Variants in RIC1 observed in about 807,000 individuals in gnomAD.
RIC1 encodes guanine nucleotide exchange factor subunit RIC1.
In RIC1, 88 loss-of-function variants were observed where a neutral mutation model predicts 169.0. The ratio of observed to expected loss-of-function variants is 0.52; its 90% CI spans 0.44 to 0.62. The LOEUF is 0.62. Ranked by LOEUF, RIC1 falls within the 20% of genes least tolerant of loss-of-function variation. The pLI is 0.00. For synonymous variants in RIC1, 790 were observed against 601.5 expected (o/e 1.31, Z -4.59); for missense variants, 1,877 against 1,725.5 (o/e 1.09, Z -1.56).
At chr9:5,746,256 A>G (rs1443893126) in intron 11 of RIC1, among the ~76,000 whole-genome samples, 173 bp downstream of exon 11, 2 of 151,954 alleles carry the variant, frequency 1.3e-5, no homozygotes, top group African/African-American at 4.8e-5. Context: ...TTTATTTCTC[A>G]ACGGGTTGTG....
chr9:5,765,616 C>T (rs750814760), intron 20 of RIC1, 44 bp downstream of exon 20: 40 of 1,613,856 alleles, frequency 2.5e-5, no homozygotes, highest in African/African-American at 4.0e-5. Context: ...CATACACCCA[C>T]GTAGCATCTT....
intron 2 of RIC1, among the ~76,000 whole-genome samples, chr9:5,675,877 T>C (rs965814990): frequency 1.3e-5 from 2 of 152,206 alleles, no homozygotes; most frequent in Non-Finnish European, 2.9e-5. Context: ...TACAGCACAT[T>C]TGCAGTCAGT....
chr9:5,684,589 C>G (rs1821093761), intron 2 of RIC1, among the ~76,000 whole-genome samples: 1 of 151,680 alleles, frequency 6.6e-6, no homozygotes, highest in South Asian at 2.1e-4. Context: ...CTATATTTGT[C>G]TTGTGTCCAG....
chr9:5,715,781 T>C (rs1823197163), intron 4 of RIC1, among the ~76,000 whole-genome samples: 1 of 151,008 alleles, frequency 6.6e-6, no homozygotes, highest in African/African-American at 2.4e-5. Context: ...TTAATGAGAG[T>C]TTCCCCTCCC....
chr9:5,667,872 G>T (rs1473785621), intron 2 of RIC1, among the ~76,000 whole-genome samples: 1 of 152,078 alleles, frequency 6.6e-6, no homozygotes, highest in Non-Finnish European at 1.5e-5. Context: ...CTCCAAAGTT[G>T]CTTCCACATT....
At chr9:5,697,219 C>T (rs931963744) in intron 3 of RIC1, among the ~76,000 whole-genome samples, 3 of 152,306 alleles carry the variant, frequency 2.0e-5, no homozygotes, top group Non-Finnish European at 4.4e-5. Flanking sequence ...GAACTTTAAT[C>T]TTTTTCTCCT....
In RIC1 at chr9:5,774,113, C is replaced by A; in HGVS notation, c.4139C>A (p.Ser1380Tyr). Reference sequence around the variant, plus strand: ...CCCCGGGCAGAGGAGAGCAGGGGCTCCTCCAGCCATGGAAGCATCCCCCAG... The same window carrying A: ...CCCCGGGCAGAGGAGAGCAGGGGCTACTCCAGCCATGGAAGCATCCCCCAG... ...TSPRAEESRGSSSHGSIPQGE... is the reference protein window; with the variant it reads ...TSPRAEESRGYSSHGSIPQGE... Residue 1380 changes from serine to tyrosine, a missense_variant, in exon 26 of 26, where the codon TCC (serine) becomes TAC (tyrosine). By Grantham distance (144) the Ser-to-Tyr change is moderately radical. Transcript: ENST00000414202. The A allele has an allele frequency of 6.2e-7, 1 of 1,614,020 alleles. No individual in the cohort carries two copies. The highest frequency in any genetic ancestry group is 8.5e-7 in the Non-Finnish European group (1 of 1,179,976).
chr9:5,644,229 TCCCATTCCAGCCTTAGAA>T (rs1383052380), intron 1 of RIC1, among the ~76,000 whole-genome samples: 1 of 152,214 alleles, frequency 6.6e-6, no homozygotes, highest in Non-Finnish European at 1.5e-5. Flanking sequence ...CAACCTCTTC[TCCCATTCCAGCCTTAGAA>T]AACCTTGGCC....
At chr9:5,673,304 A>G (rs750133502) in intron 2 of RIC1, among the ~76,000 whole-genome samples, 46 of 152,118 alleles carry the variant, frequency 3.0e-4, no homozygotes, top group Middle Eastern at 3.4e-3. Flanking sequence ...AAAGATAAGC[A>G]TCACTAGCAA....
chr9:5,747,485 C>T lies in RIC1; in HGVS notation c.1432C>T (p.Arg478Trp), dbSNP rs201362251. Residue 478 changes from arginine to tryptophan, a missense_variant, in exon 12 of 26, where the codon CGG becomes TGG. Arg to Trp is a moderately radical substitution (Grantham distance 101). Coordinates refer to ENST00000414202, the MANE Select transcript of RIC1 (RefSeq NM_020829.4). ...GGGATTAAGCACTTTACTTGGACAT[C>T]GGCATTGGCATGTTGTACAGGTAAA... ...SQGLSTLLGHRHWHVVQISST... is the reference protein window; with the variant it reads ...SQGLSTLLGHWHWHVVQISST... The T allele has an allele frequency of 8.1e-6, 13 of 1,613,796 alleles. No individual in the cohort carries two copies. Among genetic ancestry groups the T allele is most frequent in the Non-Finnish European group, 1.0e-5 (12 of 1,179,716 alleles).
At chr9:5,707,170 A>G (rs567439628) in intron 3 of RIC1, among the ~76,000 whole-genome samples, 85 of 152,080 alleles carry the variant, frequency 5.6e-4, no homozygotes, top group African/African-American at 2.0e-3. Flanking sequence ...GTGTATTTTG[A>G]ATTTCCACAT....
intron 1 of RIC1, among the ~76,000 whole-genome samples, chr9:5,652,209 G>C (rs892908054): frequency 7.9e-5 from 12 of 152,278 alleles, no homozygotes; most frequent in African/African-American, 2.9e-4. Context: ...CTGTGGTTCA[G>C]TATGAATTTT....
At chr9:5,683,507 G>T (rs1008565743) in intron 2 of RIC1, among the ~76,000 whole-genome samples, 5 of 152,224 alleles carry the variant, frequency 3.3e-5, no homozygotes, top group African/African-American at 1.2e-4. Flanking sequence ...TGCTCTGGAA[G>T]TTTTGTCTCA....
intron 1 of RIC1, among the ~76,000 whole-genome samples, chr9:5,650,623 G>A (rs1213125901): frequency 2.6e-5 from 4 of 152,066 alleles, no homozygotes; most frequent in African/African-American, 9.7e-5. Flanking sequence ...CATGCTGGGA[G>A]ATTCTGTCCT....
intron 2 of RIC1, among the ~76,000 whole-genome samples, chr9:5,682,375 A>G (rs190899269): frequency 1.1e-4 from 16 of 152,258 alleles, no homozygotes; most frequent in Admixed American, 5.2e-4. Context: ...ATCTCTCAGC[A>G]TTTGCCTGTC....
At chr9:5,693,108 G>C (rs1177613585) in intron 3 of RIC1, among the ~76,000 whole-genome samples, 2 of 152,088 alleles carry the variant, frequency 1.3e-5, no homozygotes, top group African/African-American at 4.8e-5. Flanking sequence ...ATGGAAAAAG[G>C]AGAAATGATC....
intron 1 of RIC1, among the ~76,000 whole-genome samples, chr9:5,648,030 C>T (rs909466549): frequency 3.9e-4 from 59 of 151,060 alleles, no homozygotes; most frequent in African/African-American, 1.1e-3. Context: ...TTGCCCAGGC[C>T]GGAGTGCAAT....
At chr9:5,631,697 A>C (rs1288641025) in intron 1 of RIC1, among the ~76,000 whole-genome samples, 2 of 151,904 alleles carry the variant, frequency 1.3e-5, no homozygotes, top group Admixed American at 1.3e-4. Flanking sequence ...AAAAAAAAAA[A>C]AAAAAAAAAT....
intron 6 of RIC1, among the ~76,000 whole-genome samples, chr9:5,731,929 AG>A (rs1320761373): frequency 6.6e-6 from 1 of 152,232 alleles, no homozygotes; most frequent in African/African-American, 2.4e-5. Context: ...TGTAGAGAAT[AG>A]TAAGCAATTT....
Sources: gnomAD v4.1 joint callset for allele counts (sites outside exome capture counted in the v4.1 genomes callset) on GRCh38, gnomAD v4.1.1 for gene constraint, MANE v1.5 for transcripts, NCBI Gene and HGNC (gene_info 2026-07-23, HGNC 2026-07-21) for gene names.